The following IQCK variants were observed in gnomAD, a reference collection of about 807,000 sequenced individuals.
IQCK encodes IQ domain-containing protein K.
In IQCK, 29 loss-of-function variants were observed where a neutral mutation model predicts 28.1. That is an observed-to-expected ratio of 1.03 (90% CI 0.77 to 1.41). The LOEUF (loss-of-function observed/expected upper bound fraction) is 1.41. Ranked by LOEUF, IQCK falls within the 40% of genes most tolerant of loss-of-function variation. The pLI is 0.00. For missense variants in IQCK, 359 were observed against 314.7 expected (o/e 1.14, Z -1.07); for synonymous variants, 113 against 115.1 (o/e 0.98, Z 0.12).
chr16:19,853,872 C>T (rs557726626), intron 9 of IQCK, among the ~76,000 whole-genome samples: 141 of 152,364 alleles, frequency 9.3e-4, no homozygotes, highest in African/African-American at 3.2e-3. Flanking sequence ...AAGTGACCCA[C>T]GTGCCTCGGC....
chr16:19,747,700 G>C (rs757861618), intron 4 of IQCK, among the ~76,000 whole-genome samples: 2 of 152,114 alleles, frequency 1.3e-5, no homozygotes, highest in African/African-American at 2.4e-5. Flanking sequence ...TCTGTGTATA[G>C]ACAGGTTTTA....
rs953337824 is a variant in IQCK at position 19,718,338 on chromosome 16, T to C, written c.32T>C (p.Ile11Thr). The change falls in exon 1 of 8, where the codon ATA becomes ACA. Residue 11 changes from isoleucine to threonine, a missense_variant. Coordinates refer to ENST00000564186, the Ensembl canonical transcript of IQCK. The stretch of plus-strand genomic sequence containing the variant: ...GCACCGCGGCAAATCCCCAGCCACA[T>C]AGTGCGCCTCAAGCCCAGCTGCTCT... 3 of 1,610,116 alleles carry C rather than the reference T, an allele frequency of 1.9e-6. No individual in the cohort carries two copies. In the Admixed American group the frequency reaches 5.0e-5, roughly 27 times the overall value.
intron 7 of IQCK, among the ~76,000 whole-genome samples, chr16:19,810,175 T>G (rs926273201): frequency 2.6e-5 from 4 of 152,062 alleles, no homozygotes; most frequent in African/African-American, 9.7e-5. Flanking sequence ...TTATTCTACC[T>G]CTCCTTGACT....
At chr16:19,763,900 A>G (rs1673333939) in exon 5 of IQCK, 1 of 1,613,544 alleles carries the variant, frequency 6.2e-7, no homozygotes, top group South Asian at 1.1e-5. Flanking sequence ...TGGTTATACA[A>G]GTAAGTTGTT....
chr16:19,848,999 G>A lies in IQCK; in HGVS notation c.803-7488G>A, dbSNP rs182877972. 3.7e-3 allele frequency among the ~76,000 whole-genome samples: 567 copies of A among 152,104 alleles called. 1 individual carries two copies. Among genetic ancestry groups the A allele is most frequent in the Admixed American group, 6.0e-3 (91 of 15,272 alleles). On this transcript the variant is annotated intron_variant, in intron 9 of 9. Coordinates refer to the IQCK transcript ENST00000320394. ...TCACCCCACCCTGGATCTGATGATC[G>A]GGGAGTTTCCCCTGCAGCTTCTGAT...
chr16:19,739,734 G>A (rs1053498566), intron 4 of IQCK, among the ~76,000 whole-genome samples: 40 of 152,090 alleles, frequency 2.6e-4, no homozygotes, highest in Non-Finnish European at 1.5e-5. Context: ...AGAATCACTT[G>A]AACCCTGGAA....
At chr16:19,804,086 C>G (rs1193424398) in intron 7 of IQCK, among the ~76,000 whole-genome samples, 1 of 152,108 alleles carries the variant, frequency 6.6e-6, no homozygotes, top group African/African-American at 2.4e-5. Context: ...TGCGGCGGCT[C>G]ACGCCTGTAA....
At chr16:19,826,111 A>G (rs940451453) in intron 7 of IQCK, among the ~76,000 whole-genome samples, 1 of 151,154 alleles carries the variant, frequency 6.6e-6, no homozygotes, top group Non-Finnish European at 1.5e-5. Flanking sequence ...GGCTCAAGCA[A>G]TCCTCCCATA....
chr16:19,730,765 A>G (rs1465441316), intron 2 of IQCK, among the ~76,000 whole-genome samples: 1 of 151,348 alleles, frequency 6.6e-6, no homozygotes, highest in African/African-American at 2.4e-5. Context: ...ATCTTATCTT[A>G]TCTATCTATC....
Position 19,833,079 on chromosome 16 carries a change from G to T in IQCK, c.802+5942G>T, listed in dbSNP as rs148173356. On this transcript the variant is annotated intron_variant, in intron 9 of 9. Transcript: ENST00000320394. The stretch of plus-strand genomic sequence containing the variant: ...TTAATGAACACATCTATCACCCTTA[G>T]TTACGATTTGTGTGTGTGTATGTGT... Among the ~76,000 whole-genome samples, 30 of 152,252 alleles carry T rather than the reference G, an allele frequency of 2.0e-4. No individual in the cohort carries two copies. The East Asian group carries it at 5.6e-3, about 28-fold the overall frequency.
At chr16:19,818,923 C>T (rs549231957) in intron 7 of IQCK, among the ~76,000 whole-genome samples, 3 of 152,186 alleles carry the variant, frequency 2.0e-5, no homozygotes, top group East Asian at 3.9e-4. Context: ...AAATTCCTCT[C>T]GGCGAGTAAA....
intron 3 of IQCK, among the ~76,000 whole-genome samples, chr16:19,734,628 A>T (rs1977952750): frequency 6.6e-6 from 1 of 151,190 alleles, no homozygotes; most frequent in African/African-American, 2.4e-5. Flanking sequence ...GAAAAAAAAA[A>T]AAATTAGCTG....
intron 4 of IQCK, among the ~76,000 whole-genome samples, chr16:19,745,781 A>T (rs555492589): frequency 1.3e-5 from 2 of 152,160 alleles, no homozygotes; most frequent in East Asian, 3.9e-4. Context: ...TTCAGCTGGT[A>T]ACTGGGCTGG....
At chr16:19,722,839 C>T (rs1977538243) in intron 1 of IQCK, among the ~76,000 whole-genome samples, 1 of 152,094 alleles carries the variant, frequency 6.6e-6, no homozygotes, top group Non-Finnish European at 1.5e-5. Flanking sequence ...ACCTCAGCCT[C>T]CTGAGTAGCT....
chr16:19,726,089 T>A (rs898412489), intron 1 of IQCK, among the ~76,000 whole-genome samples: 3 of 152,096 alleles, frequency 2.0e-5, no homozygotes, highest in South Asian at 4.2e-4. Flanking sequence ...CTAAGTTTTG[T>A]ATTTTTAGTA....
chr16:19,817,753 T>C (rs994993631), intron 7 of IQCK, among the ~76,000 whole-genome samples: 11 of 152,336 alleles, frequency 7.2e-5, no homozygotes, highest in African/African-American at 2.2e-4. Context: ...AAACAGTTCT[T>C]GTATTCCTAA....
exon 10 of IQCK, chr16:19,857,116 C>T (rs1176492968): frequency 5.4e-6 from 1 of 185,106 alleles, no homozygotes; most frequent in African/African-American, 2.4e-5. Context: ...TGTCTAAGTC[C>T]CAAAGTATTA....
chr16:19,723,366 AG>A (rs1287794820), intron 1 of IQCK, among the ~76,000 whole-genome samples: 1 of 152,116 alleles, frequency 6.6e-6, no homozygotes, highest in East Asian at 1.9e-4. Context: ...TACTTTTCTT[AG>A]TTCACAACAT....
intron 7 of IQCK, among the ~76,000 whole-genome samples, 200 bp from the exon 8 acceptor site, chr16:19,826,826 A>G (rs992879386): frequency 2.0e-5 from 3 of 152,224 alleles, no homozygotes; most frequent in Non-Finnish European, 4.4e-5. Flanking sequence ...TACTATTACT[A>G]TAGCAAATCT....
Sources: gnomAD v4.1 joint callset for allele counts (sites outside exome capture counted in the v4.1 genomes callset) on GRCh38, gnomAD v4.1.1 for gene constraint, MANE v1.5 for transcripts, NCBI Gene and HGNC (gene_info 2026-07-23, HGNC 2026-07-21) for gene names.